Variants in LHFPL6 observed in about 807,000 individuals in gnomAD.
LHFPL6 encodes the protein LHFPL tetraspan subfamily member 6, also known as LHFPL tetraspan subfamily member 6 protein.
A neutral mutation model predicts 20.6 loss-of-function variants in LHFPL6; 9 were observed. That is an observed-to-expected ratio of 0.44 (90% CI 0.26 to 0.76). LHFPL6 has a LOEUF of 0.76. Among genes scored for constraint, LHFPL6 ranks in the 30% least tolerant of loss-of-function variants. The pLI is 0.20. For synonymous variants in LHFPL6, 105 were observed against 98.7 expected (o/e 1.06, Z -0.38); for missense variants, 218 against 253.5 (o/e 0.86, Z 0.95).
chr13:39,369,952 T>A (rs1398209084), intron 3 of LHFPL6, among the ~76,000 whole-genome samples: 2 of 152,072 alleles, frequency 1.3e-5, no homozygotes, highest in Non-Finnish European at 2.9e-5. Context: ...ACAAGAGGTG[T>A]TTACTAAGTT....
chr13:39,523,836 A>G (rs1870198784), intron 2 of LHFPL6, among the ~76,000 whole-genome samples: 1 of 152,256 alleles, frequency 6.6e-6, no homozygotes, highest in African/African-American at 2.4e-5. Context: ...ATTAGAATAA[A>G]TAAGACAAGA....
chr13:39,562,497 CAT>C (rs1566142088), intron 2 of LHFPL6, among the ~76,000 whole-genome samples: 45 of 99,390 alleles, frequency 4.5e-4, no homozygotes, highest in Admixed American at 1.2e-3. Context: ...TACACATATA[CAT>C]ATATACATAT....
At chr13:39,569,144 TGGATGGACGGAC>T (rs1431980533) in intron 2 of LHFPL6, among the ~76,000 whole-genome samples, 17 of 29,908 alleles carry the variant, frequency 5.7e-4, no homozygotes, top group South Asian at 4.0e-3. Context: ...GATGGATGGA[TGGATGGACGGAC>T]GGATGGATGG....
intron 2 of LHFPL6, among the ~76,000 whole-genome samples, chr13:39,560,902 C>T (rs1871458234): frequency 6.6e-6 from 1 of 152,120 alleles, no homozygotes; most frequent in Non-Finnish European, 1.5e-5. Flanking sequence ...TCTATGAAAC[C>T]TCAAGACTCC....
chr13:39,543,054 C>G (rs747843643), intron 2 of LHFPL6, among the ~76,000 whole-genome samples: 17 of 152,160 alleles, frequency 1.1e-4, no homozygotes, highest in Non-Finnish European at 1.9e-4. Context: ...GCACCATTCT[C>G]CTTTCTGTCT....
chr13:39,564,512 A>C (rs749064369), intron 2 of LHFPL6, among the ~76,000 whole-genome samples: 6 of 151,970 alleles, frequency 3.9e-5, no homozygotes, highest in Non-Finnish European at 8.8e-5. Context: ...ATGGCCTTTG[A>C]CTCTGCTTGT....
intron 2 of LHFPL6, among the ~76,000 whole-genome samples, chr13:39,533,258 A>C (rs1194827368): frequency 6.6e-6 from 1 of 152,224 alleles, no homozygotes; most frequent in Non-Finnish European, 1.5e-5. Context: ...GAAACAAAGA[A>C]TACCCCCAAT....
chr13:39,407,742 C>G (rs1433124861), intron 2 of LHFPL6, among the ~76,000 whole-genome samples: 1 of 152,320 alleles, frequency 6.6e-6, no homozygotes, highest in East Asian at 1.9e-4. Flanking sequence ...TACAAGTACA[C>G]AGAACATATA....
chr13:39,346,525 A>T (rs950432844), intron 3 of LHFPL6, among the ~76,000 whole-genome samples: 2 of 152,226 alleles, frequency 1.3e-5, no homozygotes, highest in East Asian at 3.9e-4. Context: ...GAGGCCAGGG[A>T]AAGTTTAATA....
At chr13:39,601,846 C>T (rs1872960731) in intron 1 of LHFPL6, among the ~76,000 whole-genome samples, 2 of 152,134 alleles carry the variant, frequency 1.3e-5, no homozygotes, top group South Asian at 4.1e-4. Flanking sequence ...TCTGCATGAG[C>T]CAAACAAACT....
Position 39,344,050 on chromosome 13 carries a change from C to A in LHFPL6, c.489G>T (p.Lys163Asn). The change falls in exon 4 of 4, where the codon AAG becomes AAT. Residue 163 changes from lysine to asparagine, a missense_variant. Lys to Asn is a moderately conservative substitution (Grantham distance 94, BLOSUM62 0). Coordinates refer to ENST00000379589, the MANE Select transcript of LHFPL6 (RefSeq NM_005780.3). ...AGTAGTAGGCCCAGCCGATTTCACA[C>A]TTCCCTAAGGACAAAGGAAGGGGAA... ...GYTSGQFDLG[K>N]CEIGWAYYCT... 1 of 1,610,352 alleles carries A rather than the reference C, an allele frequency of 6.2e-7. No individual in the cohort carries two copies. The highest frequency in any genetic ancestry group is 1.1e-5 in the South Asian group (1 of 90,804).
intron 2 of LHFPL6, among the ~76,000 whole-genome samples, chr13:39,560,504 C>CTTTTTTTTTTTTTTTTTTTTT (rs376446144): frequency 4.2e-5 from 5 of 118,178 alleles, no homozygotes; most frequent in Non-Finnish European, 3.3e-5. Flanking sequence ...TGCAAATTCT[C>CTTTTTTTTTTTTTTTTTTTTT]TTTTTTTTTT....
intron 2 of LHFPL6, among the ~76,000 whole-genome samples, chr13:39,465,540 C>T (rs1872782472): frequency 6.6e-6 from 1 of 152,154 alleles, no homozygotes; most frequent in Admixed American, 6.5e-5. Flanking sequence ...TCCCACCAAA[C>T]TGCCACCCGC....
At chr13:39,526,825 C>T (rs1157740446) in intron 2 of LHFPL6, among the ~76,000 whole-genome samples, 1 of 152,218 alleles carries the variant, frequency 6.6e-6, no homozygotes, top group African/African-American at 2.4e-5. Flanking sequence ...AGTGACGCTT[C>T]ACTTAGGCAG....
At chr13:39,396,390 C>T (rs1870843031) in intron 2 of LHFPL6, among the ~76,000 whole-genome samples, 1 of 152,208 alleles carries the variant, frequency 6.6e-6, no homozygotes, top group South Asian at 2.1e-4. Flanking sequence ...ACCCCCAGTA[C>T]CTCAGAATGT....
chr13:39,486,552 G>A (rs555046969), intron 2 of LHFPL6, among the ~76,000 whole-genome samples: 52 of 152,176 alleles, frequency 3.4e-4, no homozygotes, highest in Non-Finnish European at 6.2e-4. Context: ...AGACACAGGG[G>A]TGTAAACTGT....
chr13:39,462,113 T>C lies in LHFPL6; in HGVS notation c.386-83587A>G, dbSNP rs919227590. Among the ~76,000 whole-genome samples the C allele has an allele frequency of 5.3e-5, 8 of 152,144 alleles. No individual in the cohort carries two copies. The East Asian group carries it at 1.5e-3, about 29-fold the overall frequency. ...AGGTTCCAGTCTCCTCTCACTGAAC[T>C]ACAAATTTTCTAACTCTTTATGGAC... is the stretch of plus-strand genomic sequence containing the variant. On this transcript the variant is annotated intron_variant, in intron 2 of 3. Coordinates refer to ENST00000379589, the MANE Select transcript of LHFPL6 (RefSeq NM_005780.3).
intron 3 of LHFPL6, among the ~76,000 whole-genome samples, chr13:39,353,706 C>T (rs1462526451): frequency 6.6e-6 from 1 of 152,058 alleles, no homozygotes; most frequent in African/African-American, 2.4e-5. Flanking sequence ...CCAGCCTGGG[C>T]AACAGAACAA....
chr13:39,507,282 T>C (rs767540519), intron 2 of LHFPL6, among the ~76,000 whole-genome samples: 1 of 152,208 alleles, frequency 6.6e-6, no homozygotes, highest in Non-Finnish European at 1.5e-5. Context: ...GGCCATTGCA[T>C]GCTAGGACCT....
Sources: allele counts gnomAD v4.1 joint callset (sites outside exome capture counted in the v4.1 genomes callset), GRCh38; gene constraint gnomAD v4.1.1; transcripts MANE v1.5; gene names NCBI Gene and HGNC (gene_info 2026-07-23, HGNC 2026-07-21).